TNS3: variants seen among roughly 807,000 people sequenced by gnomAD.
TNS3 encodes tensin-3.
TNS3 carries 45 observed loss-of-function variants against 140.9 expected under a neutral mutation model. The observed-to-expected ratio is 0.32, with a 90% CI of 0.25 to 0.41. TNS3 has a LOEUF of 0.41. TNS3 is among the 10% of genes least tolerant of loss of function. The pLI, the probability that TNS3 is intolerant of heterozygous loss-of-function variation, is 1.00. For synonymous variants in TNS3, 815 were observed against 788.4 expected (o/e 1.03, Z -0.56); for missense variants, 1,716 against 1,906.7 (o/e 0.90, Z 1.86).
chr7:47,539,878 T>A (rs1356440571), intron 1 of TNS3, among the ~76,000 whole-genome samples: 1 of 152,208 alleles, frequency 6.6e-6, no homozygotes, highest in African/African-American at 2.4e-5. Context: ...CGGTGTTCAC[T>A]GCCTGTCTCA....
In TNS3 at chr7:47,543,403, A is replaced by G. The variant is rs1304086201; in HGVS notation, c.-264-14256T>C. On this transcript the variant is annotated intron_variant, in intron 1 of 30. Coordinates refer to ENST00000311160, the MANE Select transcript of TNS3 (RefSeq NM_022748.12). ...AGTCCCAGGGGCTCAGGATATGTGC[A>G]TGGGGCACCTGAAAGACTGGAGAGG... Among the ~76,000 whole-genome samples, 4 of 152,200 alleles carry G rather than the reference A, an allele frequency of 2.6e-5. No individual in the cohort carries two copies. The East Asian group carries it at 5.8e-4, about 22-fold the overall frequency.
intron 20 of TNS3, among the ~76,000 whole-genome samples, chr7:47,336,571 G>A (rs1263180886): frequency 1.3e-5 from 2 of 152,228 alleles, no homozygotes; most frequent in Non-Finnish European, 2.9e-5. Context: ...AAGGGTGGGT[G>A]AAGGATGCCT....
intron 3 of TNS3, among the ~76,000 whole-genome samples, chr7:47,505,049 C>G (rs529371087): frequency 6.6e-6 from 1 of 152,272 alleles, no homozygotes; most frequent in Non-Finnish European, 1.5e-5. Flanking sequence ...GAAGGAACAA[C>G]AGCAGGCTCA....
chr7:47,524,836 A>AAAAAAAAT (rs1799132325), intron 2 of TNS3, among the ~76,000 whole-genome samples: 1 of 147,600 alleles, frequency 6.8e-6, no homozygotes, highest in Non-Finnish European at 1.5e-5. Context: ...AAAAAAAAAA[A>AAAAAAAAT]GGCAATGGGA....
At chr7:47,502,362 T>C (rs1798258588) in intron 3 of TNS3, among the ~76,000 whole-genome samples, 1 of 152,208 alleles carries the variant, frequency 6.6e-6, no homozygotes, top group African/African-American at 2.4e-5. Context: ...TTGAAACTTA[T>C]CAGTTAGGCC....
At chr7:47,498,282 A>G (rs1798086396) in intron 3 of TNS3, among the ~76,000 whole-genome samples, 1 of 152,234 alleles carries the variant, frequency 6.6e-6, no homozygotes. Context: ...CCACAGTGCC[A>G]TGGAAAGTTA....
chr7:47,278,544 G>GA (rs1353495165), intron 30 of TNS3: 11 of 242,826 alleles, frequency 4.5e-5, no homozygotes, highest in African/African-American at 2.5e-4. Context: ...GCCAGGGCCA[G>GA]AATCTCCTGG....
chr7:47,546,082 G>A (rs1799912752), intron 1 of TNS3, among the ~76,000 whole-genome samples: 1 of 152,226 alleles, frequency 6.6e-6, no homozygotes, highest in Admixed American at 6.5e-5. Context: ...GCCTCCCCCA[G>A]GAGGCCTGGA....
At chr7:47,501,623 G>A (rs1386875452) in intron 3 of TNS3, among the ~76,000 whole-genome samples, 1 of 152,168 alleles carries the variant, frequency 6.6e-6, no homozygotes. Context: ...GGTCAGCAAA[G>A]CAGCAGCTCC....
At chr7:47,340,043 GTA>G (rs1268799545) in intron 20 of TNS3, among the ~76,000 whole-genome samples, 8 of 127,702 alleles carry the variant, frequency 6.3e-5, no homozygotes, top group Admixed American at 1.7e-4. Flanking sequence ...ATACATATGT[GTA>G]TATGTGTGTA....
chr7:47,575,822 C>CAAAAAA (rs10553927), intron 1 of TNS3, among the ~76,000 whole-genome samples: 1 of 68,318 alleles, frequency 1.5e-5, no homozygotes, highest in Non-Finnish European at 2.6e-5. Flanking sequence ...GACTCTGCCT[C>CAAAAAA]AAAAAAAAAA....
intron 23 of TNS3, 49 bp from the exon 24 acceptor site, chr7:47,297,262 G>GTCTA (rs1271524531): frequency 6.4e-7 from 1 of 1,566,550 alleles, no homozygotes; most frequent in South Asian, 1.2e-5. Flanking sequence ...GTGGACAAAG[G>GTCTA]TCTATGCCCA....
At chr7:47,363,464 G>A (rs1476387603) in intron 17 of TNS3, among the ~76,000 whole-genome samples, 1 of 152,212 alleles carries the variant, frequency 6.6e-6, no homozygotes, top group Non-Finnish European at 1.5e-5. Flanking sequence ...TCCCCCGGAG[G>A]AGCACAGGGC....
At chr7:47,495,470 C>T (rs563508704) in intron 3 of TNS3, among the ~76,000 whole-genome samples, 35 of 152,254 alleles carry the variant, frequency 2.3e-4, no homozygotes, top group Admixed American at 5.9e-4. Context: ...CCACGACCCC[C>T]GCCCTGAGGA....
chr7:47,290,258 AAGG>A (rs1413712208), intron 27 of TNS3, among the ~76,000 whole-genome samples: 2 of 152,216 alleles, frequency 1.3e-5, no homozygotes, highest in East Asian at 3.8e-4. Flanking sequence ...CACAGACTTA[AAGG>A]TAAAATTTGA....
rs777541707 is a variant in TNS3 at position 47,424,199 on chromosome 7, G to C, written c.390-15C>G. ...CCTGGTCGGCGCTGAAGGGGAGAGA[G>C]AGAGAAAGAGAGTTAACTCAGTGGA... On this transcript the variant is annotated splice_polypyrimidine_tract_variant and intron_variant, in intron 9 of 30. Coordinates refer to ENST00000311160, the MANE Select transcript of TNS3 (RefSeq NM_022748.12). The C allele has an allele frequency of 2.5e-6, 4 of 1,613,482 alleles. No individual in the cohort carries two copies. Among genetic ancestry groups the C allele is most frequent in the South Asian group, 1.1e-5 (1 of 91,050 alleles).
intron 1 of TNS3, among the ~76,000 whole-genome samples, chr7:47,570,118 C>G (rs1669837517): frequency 6.6e-6 from 1 of 152,234 alleles, no homozygotes; most frequent in Admixed American, 6.5e-5. Context: ...CCATTGCACT[C>G]CAGCCTGGGC....
chr7:47,577,050 C>A (rs1800691457), intron 1 of TNS3, among the ~76,000 whole-genome samples: 2 of 152,206 alleles, frequency 1.3e-5, no homozygotes, highest in South Asian at 4.1e-4. Flanking sequence ...AGAGGTGCCA[C>A]GTCACACTGT....
intron 7 of TNS3, among the ~76,000 whole-genome samples, chr7:47,436,281 T>C (rs1203184678): frequency 1.3e-5 from 2 of 152,192 alleles, no homozygotes; most frequent in African/African-American, 4.8e-5. Flanking sequence ...TTAACTAGTA[T>C]TAAAATAGGC....
Sources: gnomAD v4.1 joint callset for allele counts (sites outside exome capture counted in the v4.1 genomes callset) on GRCh38, gnomAD v4.1.1 for gene constraint, MANE v1.5 for transcripts, NCBI Gene and HGNC (gene_info 2026-07-23, HGNC 2026-07-21) for gene names.